Variants in UBE2D3 observed in about 807,000 individuals in gnomAD.
The protein encoded by UBE2D3 is ubiquitin-conjugating enzyme E2 D3.
UBE2D3 carries 2 observed loss-of-function variants against 22.8 expected under a neutral mutation model. The observed-to-expected ratio is 0.09, with a 90% CI of 0.04 to 0.28. The LOEUF is 0.28. Ranked by LOEUF, UBE2D3 falls within the 10% of genes least tolerant of loss-of-function variation. The pLI, the probability that UBE2D3 is intolerant of heterozygous loss-of-function variation, is 1.00. For synonymous variants in UBE2D3, 56 were observed against 60.4 expected (o/e 0.93, Z 0.34); for missense variants, 27 against 182.5 (o/e 0.15, Z 4.91).
At chr4:102,838,807 C>CAAAAAAAAAAAAAA (rs145975514) in intron 1 of UBE2D3, among the ~76,000 whole-genome samples, 1 of 54,312 alleles carries the variant, frequency 1.8e-5, no homozygotes, top group Admixed American at 2.1e-4. Context: ...CTGTGCTGGG[C>CAAAAAAAAAAAAAA]AAAAAAAAAA....
intron 1 of UBE2D3, 42 bp from the exon 2 acceptor site, chr4:102,826,678 G>A (rs2110336123): frequency 2.0e-6 from 3 of 1,505,500 alleles, no homozygotes; most frequent in Non-Finnish European, 2.6e-6. Context: ...CACAGGCCCC[G>A]AAGAGCCCCT....
intron 1 of UBE2D3, chr4:102,827,107 CGCAGCGAGCTATTCTG>C: frequency 1.0e-6 from 1 of 986,782 alleles, no homozygotes; most frequent in African/African-American, 1.7e-5. Flanking sequence ...TTGCTATCCT[CGCAGCGAGCTATTCTG>C]TGTCACCCCT....
chr4:102,818,152 C>G (rs113707069), intron 2 of UBE2D3, among the ~76,000 whole-genome samples: 3 of 152,176 alleles, frequency 2.0e-5, no homozygotes. Context: ...GTTGGGGACA[C>G]TGACTTACTT....
chr4:102,802,724 TAATG>T lies in UBE2D3; in HGVS notation c.121-90_121-87del, dbSNP rs535343749. On this transcript the variant is annotated intron_variant, in intron 4 of 7. Coordinates refer to ENST00000453744, the MANE Select transcript of UBE2D3 (RefSeq NM_181891.3). ...CATTTGTTTCCAAGCATTTCTCTAA[TAATG>T]AACCCAAATCACCTATTTACACTGC... 1.8e-4 allele frequency: 190 copies of T among 1,063,392 alleles called. 4 individuals carry two copies. In the South Asian group the frequency reaches 3.1e-3, roughly 17 times the overall value. The allele number at this position is 1,063,392 out of a possible 1,614,324, so 65.9% of individuals were successfully genotyped here.
intron 1 of UBE2D3, among the ~76,000 whole-genome samples, chr4:102,850,733 A>G (rs1213689403): frequency 1.3e-5 from 2 of 152,152 alleles, no homozygotes; most frequent in Non-Finnish European, 2.9e-5. Context: ...CTTTTATACC[A>G]CGGAATACTA....
intron 4 of UBE2D3, among the ~76,000 whole-genome samples, chr4:102,804,513 A>T (rs1726718687): frequency 6.6e-6 from 1 of 152,126 alleles, no homozygotes; most frequent in Non-Finnish European, 1.5e-5. Flanking sequence ...GTCACTTAGA[A>T]TGTGACCTGA....
chr4:102,822,072 T>C (rs1448126077), intron 2 of UBE2D3, among the ~76,000 whole-genome samples: 1 of 152,222 alleles, frequency 6.6e-6, no homozygotes, highest in Non-Finnish European at 1.5e-5. Context: ...AAGGGTCACC[T>C]AAACTCAGGG....
chr4:102,838,511 A>C (rs1288949749), intron 1 of UBE2D3, among the ~76,000 whole-genome samples: 1 of 152,186 alleles, frequency 6.6e-6, no homozygotes, highest in Non-Finnish European at 1.5e-5. Flanking sequence ...CTTCAAGTTG[A>C]CTGACTTCTG....
chr4:102,807,376 C>T (rs1727231196), intron 4 of UBE2D3, among the ~76,000 whole-genome samples: 1 of 152,196 alleles, frequency 6.6e-6, no homozygotes, highest in Non-Finnish European at 1.5e-5. Flanking sequence ...TTAAAGCTGG[C>T]ATCTAAATTA....
intron 1 of UBE2D3, chr4:102,836,968 G>A (rs1274347145): frequency 6.6e-6 from 1 of 152,160 alleles, no homozygotes; most frequent in Non-Finnish European, 1.5e-5. Context: ...ATATGAAAAA[G>A]CATGACAAAC....
At chr4:102,833,573 G>A (rs1731227931) in intron 1 of UBE2D3, among the ~76,000 whole-genome samples, 2 of 152,214 alleles carry the variant, frequency 1.3e-5, no homozygotes, top group African/African-American at 2.4e-5. Context: ...TTAGTTTGAT[G>A]TAGATAGAGA....
upstream of UBE2D3, among the ~76,000 whole-genome samples, chr4:102,831,615 G>A (rs1416995212): frequency 1.3e-5 from 2 of 152,112 alleles, no homozygotes; most frequent in Non-Finnish European, 2.9e-5. Flanking sequence ...AATGTATCTT[G>A]AAGCCTTAAA....
intron 4 of UBE2D3, 28 bp downstream of exon 4, chr4:102,809,644 A>C (rs1437777137): frequency 6.3e-7 from 1 of 1,575,944 alleles, no homozygotes; most frequent in African/African-American, 1.4e-5. Flanking sequence ...TTCACTTAAA[A>C]CTAAATTTAA....
chr4:102,830,059 T>C (rs1312811287), upstream of UBE2D3, among the ~76,000 whole-genome samples: 1 of 152,260 alleles, frequency 6.6e-6, no homozygotes, highest in Non-Finnish European at 1.5e-5. Context: ...TTGGGCTTTC[T>C]GTTTACAAGT....
chr4:102,803,564 C>A (rs1427511805), intron 4 of UBE2D3, among the ~76,000 whole-genome samples: 1 of 152,152 alleles, frequency 6.6e-6, no homozygotes, highest in Non-Finnish European at 1.5e-5. Flanking sequence ...TTAATCTAAC[C>A]CCTTGCTATA....
chr4:102,851,891 A>G (rs1732376659), intron 1 of UBE2D3, among the ~76,000 whole-genome samples: 1 of 151,118 alleles, frequency 6.6e-6, no homozygotes, highest in African/African-American at 2.4e-5. Flanking sequence ...CTGGTCTCGA[A>G]CTCCTGACCC....
chr4:102,854,576 T>A (rs576915335), intron 1 of UBE2D3, among the ~76,000 whole-genome samples: 13 of 152,358 alleles, frequency 8.5e-5, no homozygotes. Flanking sequence ...CCTGACAGTT[T>A]TCCTTTTTCT....
intron 1 of UBE2D3, among the ~76,000 whole-genome samples, chr4:102,859,351 T>C (rs1325039509): frequency 6.6e-6 from 1 of 152,032 alleles, no homozygotes; most frequent in Non-Finnish European, 1.5e-5. Flanking sequence ...TCATTAACTT[T>C]TGAAAATTTG....
intron 1 of UBE2D3, among the ~76,000 whole-genome samples, chr4:102,859,377 A>T (rs1388866001): frequency 6.6e-6 from 1 of 151,972 alleles, no homozygotes; most frequent in Non-Finnish European, 1.5e-5. Flanking sequence ...AATGTGTCTC[A>T]GTGAAAAAAT....
Sources: allele counts gnomAD v4.1 joint callset (sites outside exome capture counted in the v4.1 genomes callset), GRCh38; gene constraint gnomAD v4.1.1; transcripts MANE v1.5; gene names NCBI Gene and HGNC (gene_info 2026-07-23, HGNC 2026-07-21).